Variants in TONSL observed in about 807,000 individuals in gnomAD.
TONSL encodes tonsoku like, DNA repair protein.
A neutral mutation model predicts 147.1 loss-of-function variants in TONSL; 112 were observed. The ratio of observed to expected loss-of-function variants is 0.76; its 90% CI spans 0.65 to 0.89. TONSL has a LOEUF of 0.89. Among genes scored for constraint, TONSL ranks in the 40% least tolerant of loss-of-function variants. The pLI, the probability that TONSL is intolerant of heterozygous loss-of-function variation, is 0.00. For synonymous variants in TONSL, 868 were observed against 801.5 expected, an observed-to-expected ratio of 1.08 and a Z score of -1.40; for missense variants, 1,883 against 1,864.6, an observed-to-expected ratio of 1.01 and a Z score of -0.18.
Position 144,440,390 on chromosome 8 carries a change from C to A in TONSL, c.1251G>T (p.Ala417=). The A allele has an allele frequency of 6.2e-7, 1 of 1,607,354 alleles. No homozygotes were observed. The highest frequency in any genetic ancestry group is 8.5e-7 in the Non-Finnish European group (1 of 1,176,348). ...GCTGGGCCTGCTGGGCACAGCTGAG[C>A]GCTTTCTGGAAGCACGGGGCCAGCA... is the stretch of plus-strand genomic sequence containing the variant. ...YELLAPCFQK[A]LSCAQQAQRP... The change falls in exon 10 of 26, where the codon GCG becomes GCT. Residue 417 remains alanine (A), a synonymous_variant. Transcript: ENST00000409379.
At chr8:144,430,314 T>C (rs1179038205) in intron 25 of TONSL, 90 bp downstream of exon 25, 2 of 1,389,908 alleles carry the variant, frequency 1.4e-6, no homozygotes, top group East Asian at 2.7e-5. Context: ...CTGGTAGCAG[T>C]GACAGCCCCT....
At chr8:144,443,743 G>C in intron 3 of TONSL, 139 bp downstream of exon 3, 2 of 1,227,718 alleles carry the variant, frequency 1.6e-6, no homozygotes, top group East Asian at 5.1e-5. Context: ...GACTGGCCCG[G>C]GGCGGTGAAG....
intron 9 of TONSL, 42 bp from the exon 10 acceptor site, chr8:144,440,518 T>C (rs1369316600): frequency 1.9e-6 from 3 of 1,553,752 alleles, no homozygotes; most frequent in Non-Finnish European, 8.7e-7. Flanking sequence ...TGCCGCTGTC[T>C]GCGTCCAACG....
chr8:144,435,502 G>A lies in TONSL; in HGVS notation c.2824C>T (p.His942Tyr), dbSNP rs142338155. ...PIRVRVQVQD[H>Y]LFLIPVPHSS... ...TGTGGGACAGGGATGAGGAAGAGAT[G>A]ATCCTGAACTTGAACTCGAACCCGG... Residue 942 changes from histidine to tyrosine, a missense_variant, in exon 18 of 26, where the codon CAT becomes TAT. Physicochemically the swap from His to Tyr is moderately conservative, Grantham distance 83. Coordinates refer to ENST00000409379, the MANE Select transcript of TONSL (RefSeq NM_013432.5). 1.3e-6 allele frequency: 2 copies of A among 1,549,288 alleles called. No homozygotes were observed. The highest frequency in any genetic ancestry group is 1.7e-6 in the Non-Finnish European group (2 of 1,146,154).
In TONSL at chr8:144,435,798, C is replaced by A; in HGVS notation, c.2635G>T (p.Val879Phe). Residue 879 changes from valine (V) to phenylalanine (F), a missense_variant, in exon 17 of 26, where the codon GTC becomes TTC. Coordinates refer to ENST00000409379, the MANE Select transcript of TONSL (RefSeq NM_013432.5). ...CAACTCTGCATGCAGGTCAGGCGGA[C>A]CTGCTTGGCTCGGGCACGGGGCCTG... ...ESRPRARAKQ[V>F]RLTCMQSCSA... 5 of 1,612,802 alleles carry A rather than the reference C, an allele frequency of 3.1e-6. No homozygotes were observed. Among genetic ancestry groups the A allele is most frequent in the Non-Finnish European group, 4.2e-6 (5 of 1,179,868 alleles).
intron 24 of TONSL, 75 bp from the exon 25 acceptor site, chr8:144,430,612 G>T: frequency 6.6e-7 from 1 of 1,506,906 alleles, no homozygotes; most frequent in Non-Finnish European, 8.9e-7. Flanking sequence ...AAGCTGCCCA[G>T]ACAAATGCCA....
chr8:144,428,792 A>AT lies in TONSL; in HGVS notation c.*350dup, dbSNP rs1233741504. On this transcript the variant is annotated 3_prime_UTR_variant, in exon 26 of 26. Transcript: ENST00000409379. ...GGGAGGCAGCAGCTTCATTTATTTT[A>AT]TTTTTTTTTTTTTTTGAGACGGAGT... 1,726 of 116,744 alleles carry AT rather than the reference A, an allele frequency of 0.015. 15 individuals carry two copies. Among genetic ancestry groups the AT allele is most frequent in the African/African-American group, 0.039 (1,108 of 28,628 alleles). The allele number at this position is 116,744 out of a possible 1,614,324, so 7.2% of individuals were successfully genotyped here.
At chr8:144,434,311 G>C in intron 20 of TONSL, 32 bp from the exon 21 acceptor site, 1 of 1,477,808 alleles carries the variant, frequency 6.8e-7, no homozygotes, top group Non-Finnish European at 9.0e-7. Flanking sequence ...ACCAGGGTAA[G>C]GCCGGCCCTT....
chr8:144,440,493 G>C lies in TONSL; in HGVS notation c.1165-17C>G, dbSNP rs752721840. 8 of 1,584,400 alleles carry C rather than the reference G, an allele frequency of 5.0e-6. No homozygotes were observed. In the Admixed American group the frequency reaches 1.0e-4, roughly 21 times the overall value. Reference sequence around the variant, plus strand: ...CTTGGCCTCCTGGAGCAGGAGGAAGGACAGGGTCGGGGGCTGCCGCTGTCT... The same window carrying C: ...CTTGGCCTCCTGGAGCAGGAGGAAGCACAGGGTCGGGGGCTGCCGCTGTCT... On this transcript the variant is annotated splice_polypyrimidine_tract_variant and intron_variant, in intron 9 of 25. Coordinates refer to ENST00000409379, the MANE Select transcript of TONSL (RefSeq NM_013432.5).
chr8:144,432,421 G>GCGTT lies in TONSL; in HGVS notation c.3595_3598dup (p.Ala1200GlufsTer34), dbSNP rs1554878915. ...CCTGGCCAGGGCAGGGGCTCCCAGG[G>GCGTT]CGTTGTAGGACAGGGACAGGGTCTT... On this transcript the variant is annotated frameshift_variant, in exon 23 of 26. Transcript: ENST00000409379. LOFTEE classifies it high-confidence loss of function. 6.3e-7 allele frequency: 1 copy of GCGTT among 1,584,338 alleles called. No individual in the cohort carries two copies. Among genetic ancestry groups the GCGTT allele is most frequent in the African/African-American group, 1.4e-5 (1 of 73,444 alleles).
At chr8:144,435,363 TG>T (rs1354803323) in intron 18 of TONSL, 110 bp downstream of exon 18, 30 of 1,255,658 alleles carry the variant, frequency 2.4e-5, no homozygotes, top group Non-Finnish European at 3.2e-5. Context: ...AGGATCCTCC[TG>T]GAACACACCA....
rs1474010422 is a variant in TONSL at position 144,443,161 on chromosome 8, G to A, written c.425C>T (p.Ala142Val). ...ACCCTCCAGCTCCTCATCCACAATA[G>A]CCAAGCTCTTCTCAAAGGCAGCCTG... is the stretch of plus-strand genomic sequence containing the variant. ...QAQAAFEKSL[A>V]IVDEELEGTL... is the part of the protein sequence containing the mutation. The change falls in exon 4 of 26, where the codon GCT becomes GTT. Residue 142 changes from alanine (A) to valine (V), a missense_variant. Physicochemically the swap from Ala to Val is moderately conservative, Grantham distance 64. Transcript: ENST00000409379. 5.2e-6 allele frequency: 8 copies of A among 1,550,608 alleles called. No individual in the cohort carries two copies. The South Asian group carries it at 9.5e-5, about 18-fold the overall frequency.
At position 144,432,571 on chromosome 8, in the gene TONSL, C is replaced by T. The variant is rs1190344475; in HGVS notation, c.3560-111G>A. The T allele has an allele frequency of 4.3e-6, 5 of 1,158,854 alleles. No homozygotes were observed. The South Asian group carries it at 7.9e-5, about 18-fold the overall frequency. The allele number at this position is 1,158,854 out of a possible 1,614,324, so 71.8% of individuals were successfully genotyped here. On this transcript the variant is annotated intron_variant, in intron 22 of 25. Coordinates refer to ENST00000409379, the MANE Select transcript of TONSL (RefSeq NM_013432.5). ...CTTTGGGGAAACCACTACCGCAGTG[C>T]TCGCAGGGTGGGGTGGCAAGTGCAG...
At chr8:144,443,056 C>T (rs1823779889) in intron 4 of TONSL, 82 bp downstream of exon 4, 2 of 1,470,260 alleles carry the variant, frequency 1.4e-6, no homozygotes, top group African/African-American at 2.8e-5. Context: ...ACGGGATTGC[C>T]CAAGGAGGCT....
In TONSL at chr8:144,434,063, G is replaced by T. The variant is rs782374639; in HGVS notation, c.3302C>A (p.Ala1101Asp). ...VAALGTMPSL[A>D]LLDLSSNHLG... Reference sequence around the variant, plus strand: ...GTGATTGGAGGAGAGGTCAAGGAGGGCCAGGCTGGGCATGGTGCCCAGGGC... The same window carrying T: ...GTGATTGGAGGAGAGGTCAAGGAGGTCCAGGCTGGGCATGGTGCCCAGGGC... Residue 1101 changes from alanine to aspartate, a missense_variant, in exon 21 of 26, where the codon GCC becomes GAC. Transcript: ENST00000409379. 6.2e-6 allele frequency: 10 copies of T among 1,612,174 alleles called. No individual in the cohort carries two copies. The African/African-American group carries it at 1.1e-4, about 17-fold the overall frequency.
At position 144,443,863 on chromosome 8, in the gene TONSL, C is replaced by A. The variant is rs763891967; in HGVS notation, c.264+19G>T. The stretch of plus-strand genomic sequence containing the variant: ...CAGAGGCCGACCGGGCTGGACGAGG[C>A]CAGTGAGGGCGCCCGCACCTGCAAG... On this transcript the variant is annotated intron_variant, in intron 3 of 25. Coordinates refer to ENST00000409379, the MANE Select transcript of TONSL (RefSeq NM_013432.5). 1.9e-6 allele frequency: 3 copies of A among 1,543,500 alleles called. No individual in the cohort carries two copies. The highest frequency in any genetic ancestry group is 1.2e-5 in the South Asian group (1 of 84,000).
At position 144,436,683 on chromosome 8, in the gene TONSL, T is replaced by C. The variant is rs1227264813; in HGVS notation, c.1891-2A>G. 6.2e-7 allele frequency: 1 copy of C among 1,612,028 alleles called. No individual in the cohort carries two copies. Among genetic ancestry groups the C allele is most frequent in the Non-Finnish European group, 8.5e-7 (1 of 1,179,920 alleles). Reference sequence around the variant, plus strand: ...CAGCGTCTCCAGCGGGCTGAGGCCCTGTGTGGCATCAGTTGAGCAGGGGCA... The same window carrying C: ...CAGCGTCTCCAGCGGGCTGAGGCCCCGTGTGGCATCAGTTGAGCAGGGGCA... On this transcript the variant is annotated splice_acceptor_variant, in intron 15 of 25. Coordinates refer to ENST00000409379, the MANE Select transcript of TONSL (RefSeq NM_013432.5). LOFTEE classifies it high-confidence loss of function.
chr8:144,429,106 G>A lies in TONSL; in HGVS notation c.*37C>T. On this transcript the variant is annotated 3_prime_UTR_variant, in exon 26 of 26. Coordinates refer to ENST00000409379, the MANE Select transcript of TONSL (RefSeq NM_013432.5). ...GCCCGGCCAGCAGCTTCATTTATTA[G>A]GGGCTTCGGTGAGGGTGGGGAAAGG... The A allele has an allele frequency of 2.7e-6, 4 of 1,486,576 alleles. No homozygotes were observed. The highest frequency in any genetic ancestry group is 3.6e-6 in the Non-Finnish European group (4 of 1,123,652). The allele number at this position is 1,486,576 out of a possible 1,614,324, so 92.1% of individuals were successfully genotyped here.
intron 20 of TONSL, 112 bp downstream of exon 20, chr8:144,434,699 G>A: frequency 8.4e-7 from 1 of 1,190,344 alleles, no homozygotes; most frequent in African/African-American, 1.5e-5. Context: ...CAGGCTGGGG[G>A]AGGTGCACCC....
Sources: gnomAD v4.1 joint callset for allele counts on GRCh38, gnomAD v4.1.1 for gene constraint, MANE v1.5 for transcripts, NCBI Gene and HGNC (gene_info 2026-07-23, HGNC 2026-07-21) for gene names.